KIAA1671: variants seen among roughly 807,000 people sequenced by gnomAD.
KIAA1671 encodes the protein KIAA1671, also known as uncharacterized protein KIAA1671.
In KIAA1671, 52 loss-of-function variants were observed where a neutral mutation model predicts 131.2. The ratio of observed to expected loss-of-function variants is 0.40; its 90% CI spans 0.32 to 0.50. The LOEUF is 0.50. Ranked by LOEUF, KIAA1671 falls within the 20% of genes least tolerant of loss-of-function variation. The pLI is 0.73. For synonymous variants in KIAA1671, 1,003 were observed against 961.6 expected (o/e 1.04, Z -0.80); for missense variants, 2,360 against 2,364.2 (o/e 1.00, Z 0.04).
chr22:25,046,714 T>A (rs1168211659), intron 5 of KIAA1671, among the ~76,000 whole-genome samples: 2 of 152,178 alleles, frequency 1.3e-5, no homozygotes, highest in African/African-American at 4.8e-5. Flanking sequence ...TACATATTTT[T>A]ATTTTTGCTT....
chr22:25,029,222 G>T lies in KIAA1671; in HGVS notation c.1223G>T (p.Gly408Val). ...GCTGAGTCCCCCTCACCCAGGCTGG[G>T]AAGGGGCCTAGAACTTGCTGAGGTT... is the stretch of plus-strand genomic sequence containing the variant. ...KAAESPSPRL[G>V]RGLELAEVKS... Residue 408 changes from glycine (G) to valine (V), a missense_variant, in exon 3 of 13, where the codon GGA becomes GTA. By Grantham distance (109) the Gly-to-Val change is moderately radical (BLOSUM62 -3). Transcript: ENST00000358431. 6.8e-7 allele frequency: 1 copy of T among 1,462,324 alleles called. No homozygotes were observed. The highest frequency in any genetic ancestry group is 1.4e-5 in the South Asian group (1 of 68,972). The allele number at this position is 1,462,324 out of a possible 1,614,324, so 90.6% of individuals were successfully genotyped here. A position where few individuals can be genotyped will look rare whatever the true frequency, so the allele number is the denominator to read the frequency against.
In KIAA1671 at chr22:25,174,246, C is replaced by T. The variant is rs572690977; in HGVS notation, c.4656C>T (p.Ala1552=). ...TCATTCCCTTTTTTGGCAGCTTGGC[C>T]ACTGAGTCCCCAGATAGCAGTGCCA... ...TEQCQSGESL[A]TESPDSSATS... The change falls in exon 8 of 13, where the codon GCC becomes GCT. Residue 1552 remains alanine (A), a synonymous_variant. Coordinates refer to ENST00000358431, the MANE Select transcript of KIAA1671 (RefSeq NM_001145206.2). 3 of 1,551,528 alleles carry T rather than the reference C, an allele frequency of 1.9e-6. No homozygotes were observed. Among genetic ancestry groups the T allele is most frequent in the East Asian group, 2.4e-5 (1 of 40,912 alleles).
chr22:25,020,617 G>C (rs1849364616), intron 1 of KIAA1671, among the ~76,000 whole-genome samples: 1 of 152,148 alleles, frequency 6.6e-6, no homozygotes. Flanking sequence ...CTGGGTGAAG[G>C]GGAAGCAGGA....
At chr22:24,998,254 A>G (rs1392980507) in intron 1 of KIAA1671, among the ~76,000 whole-genome samples, 2 of 152,034 alleles carry the variant, frequency 1.3e-5, no homozygotes, top group African/African-American at 2.4e-5. Context: ...ATAAAACACA[A>G]CAACAAAAAA....
At chr22:25,103,435 T>G (rs1568957186) in intron 6 of KIAA1671, among the ~76,000 whole-genome samples, 1 of 152,120 alleles carries the variant, frequency 6.6e-6, no homozygotes, top group Non-Finnish European at 1.5e-5. Flanking sequence ...CTCAGCTCAC[T>G]GCAAGCTCCG....
chr22:25,106,265 T>C (rs1283116184), intron 6 of KIAA1671, among the ~76,000 whole-genome samples: 3 of 152,104 alleles, frequency 2.0e-5, no homozygotes. Context: ...CATCACTGAG[T>C]TGGTGGTGCC....
At chr22:25,068,595 G>C (rs903434074) in intron 6 of KIAA1671, among the ~76,000 whole-genome samples, 3 of 152,232 alleles carry the variant, frequency 2.0e-5, no homozygotes, top group Middle Eastern at 3.4e-3. Flanking sequence ...CGCCTCCGCG[G>C]CCGGCTAATT....
At chr22:24,993,963 C>G (rs1923973884) in intron 1 of KIAA1671, among the ~76,000 whole-genome samples, 1 of 152,062 alleles carries the variant, frequency 6.6e-6, no homozygotes, top group South Asian at 2.1e-4. Flanking sequence ...CGCCTGTAAT[C>G]CCAGCTACTC....
chr22:25,178,788 C>T (rs1393213692), intron 9 of KIAA1671, among the ~76,000 whole-genome samples: 1 of 152,168 alleles, frequency 6.6e-6, no homozygotes, highest in Non-Finnish European at 1.5e-5. Flanking sequence ...CACCCACCCC[C>T]TGCCAGTTCA....
intron 6 of KIAA1671, among the ~76,000 whole-genome samples, chr22:25,164,578 T>A (rs1933573276): frequency 6.6e-6 from 1 of 152,218 alleles, no homozygotes; most frequent in Non-Finnish European, 1.5e-5. Context: ...TAAGGTGTTT[T>A]TTACAGCAGC....
chr22:24,973,526 C>G (rs1483189706), intron 1 of KIAA1671, among the ~76,000 whole-genome samples: 2 of 148,982 alleles, frequency 1.3e-5, no homozygotes. Context: ...TCCCAAGTAG[C>G]TGGGATACAG....
At chr22:24,982,319 TG>T (rs1328763776) in intron 1 of KIAA1671, among the ~76,000 whole-genome samples, 1 of 152,258 alleles carries the variant, frequency 6.6e-6, no homozygotes, top group Admixed American at 6.5e-5. Context: ...TGCAGGTTTT[TG>T]GGCTAGAAGT....
chr22:24,957,136 T>C (rs556027635), intron 1 of KIAA1671, among the ~76,000 whole-genome samples: 7 of 152,270 alleles, frequency 4.6e-5, no homozygotes, highest in African/African-American at 1.4e-4. Flanking sequence ...CTATAGCCTG[T>C]CATCAGGATA....
chr22:25,033,375 G>A (rs1274629847), intron 4 of KIAA1671, among the ~76,000 whole-genome samples: 1 of 152,090 alleles, frequency 6.6e-6, no homozygotes, highest in Non-Finnish European at 1.5e-5. Context: ...GGGCGACAGA[G>A]TGAGACTTGT....
chr22:25,081,810 G>C (rs1300277845), intron 6 of KIAA1671, among the ~76,000 whole-genome samples: 1 of 152,130 alleles, frequency 6.6e-6, no homozygotes. Context: ...ATAGTGTGGA[G>C]TGTAAAAAGA....
chr22:25,051,482 C>G (rs1260507754), intron 6 of KIAA1671: 1 of 152,278 alleles, frequency 6.6e-6, no homozygotes, highest in Non-Finnish European at 1.5e-5. Flanking sequence ...TCACCCAGCA[C>G]ATAGTAAATT....
rs142099512 is a variant in KIAA1671 at position 25,098,050 on chromosome 22, C to T, written c.4530+48686C>T. ...CCCTGTAGTCCACCCAGCAGACTTG[C>T]CCCCAGGTCCCCTTGGCCAGGATTT... On this transcript the variant is annotated intron_variant, in intron 6 of 12. Coordinates refer to ENST00000358431, the MANE Select transcript of KIAA1671 (RefSeq NM_001145206.2). Among the ~76,000 whole-genome samples the T allele has an allele frequency of 9.5e-4, 145 of 152,286 alleles. No individual in the cohort carries two copies. The East Asian group carries it at 0.026, about 28-fold the overall frequency.
At chr22:25,088,279 TG>T (rs1929840553) in intron 6 of KIAA1671, among the ~76,000 whole-genome samples, 1 of 152,106 alleles carries the variant, frequency 6.6e-6, no homozygotes, top group Admixed American at 6.5e-5. Flanking sequence ...AGCTAATTTT[TG>T]TATTCTTAGT....
Position 25,039,696 on chromosome 22 carries a change from A to G in KIAA1671, c.2566A>G (p.Ile856Val), listed in dbSNP as rs1386114488. Residue 856 changes from isoleucine (I) to valine (V), a missense_variant, in exon 5 of 13, where the codon ATC becomes GTC. By Grantham distance (29) the Ile-to-Val change is conservative (BLOSUM62 3). This residue lies in a region of KIAA1671 where 14 missense variants were observed against 33.2 expected (regional missense o/e 0.42). Transcript: ENST00000358431. Reference sequence around the variant, plus strand: ...CTCCGTCAGGGCTATCAAGGCTGCCATCTGGGAAAGCCAGCATGAGGGGCC... The same window carrying G: ...CTCCGTCAGGGCTATCAAGGCTGCCGTCTGGGAAAGCCAGCATGAGGGGCC... ...ATSVRAIKAA[I>V]WESQHEGPEG... The G allele has an allele frequency of 5.3e-6, 8 of 1,515,024 alleles. No homozygotes were observed. The highest frequency in any genetic ancestry group is 4.9e-5 in the East Asian group (2 of 40,508). The allele number at this position is 1,515,024 out of a possible 1,614,324, so 93.8% of individuals were successfully genotyped here.
Sources: gnomAD v4.1 joint callset for allele counts (sites outside exome capture counted in the v4.1 genomes callset) on GRCh38, gnomAD v4.1.1 for gene constraint, gnomAD v4.1.1 regional missense constraint, MANE v1.5 for transcripts, NCBI Gene and HGNC (gene_info 2026-07-23, HGNC 2026-07-21) for gene names.